KLHL8: variants seen among roughly 807,000 people sequenced by gnomAD.
The protein encoded by KLHL8 is kelch-like protein 8.
Under a neutral mutation model 63.5 loss-of-function variants are expected in KLHL8, and 38 were observed. The observed-to-expected ratio is 0.60, with a 90% CI of 0.46 to 0.78. The LOEUF (loss-of-function observed/expected upper bound fraction) is 0.78. Ranked by LOEUF, KLHL8 falls within the 30% of genes least tolerant of loss-of-function variation. The probability of loss-of-function intolerance (pLI) is 0.00; values close to 1 mark genes in which losing one functional copy is unlikely to be tolerated. For synonymous variants in KLHL8, 224 were observed against 254.3 expected, an observed-to-expected ratio of 0.88 and a Z score of 1.13; for missense variants, 566 against 752.4, an observed-to-expected ratio of 0.75 and a Z score of 2.90.
In KLHL8 at chr4:87,211,861, A is replaced by G. The variant is rs953504615; in HGVS notation, c.-152+8557T>C. 5.9e-5 allele frequency among the ~76,000 whole-genome samples: 9 copies of G among 152,326 alleles called. No individual in the cohort carries two copies. The East Asian group carries it at 1.5e-3, about 26-fold the overall frequency. ...TCACTGGTGCTGAAGTCAAAGTCAT[A>G]GTTAAACTTAAGTGTGAATTAGATG... On this transcript the variant is annotated intron_variant, in intron 1 of 9. Coordinates refer to ENST00000273963, the MANE Select transcript of KLHL8 (RefSeq NM_020803.5).
intron 1 of KLHL8, among the ~76,000 whole-genome samples, chr4:87,231,233 G>A (rs935821402): frequency 3.3e-5 from 5 of 152,162 alleles, no homozygotes; most frequent in African/African-American, 1.2e-4. Context: ...ACCCTCCGCG[G>A]AATCTGTGTG....
At chr4:87,177,536 A>C (rs1439896421) in intron 5 of KLHL8, among the ~76,000 whole-genome samples, 1 of 131,136 alleles carries the variant, frequency 7.6e-6, no homozygotes, top group African/African-American at 2.7e-5. Context: ...ACAAACAAAA[A>C]CTATATATAT....
intron 1 of KLHL8, among the ~76,000 whole-genome samples, chr4:87,229,668 T>C (rs1216135803): frequency 2.0e-5 from 3 of 151,848 alleles, no homozygotes; most frequent in South Asian, 2.1e-4. Context: ...CTAACCTCAA[T>C]TGATCCACCT....
At chr4:87,236,162 C>T (rs1465599943) in intron 1 of KLHL8, among the ~76,000 whole-genome samples, 1 of 151,776 alleles carries the variant, frequency 6.6e-6, no homozygotes, top group African/African-American at 2.4e-5. Context: ...CTTAAAATAT[C>T]TGCCTTATAC....
At chr4:87,226,947 T>TAA (rs1560723936) in intron 1 of KLHL8, among the ~76,000 whole-genome samples, 2 of 34,958 alleles carry the variant, frequency 5.7e-5, no homozygotes, top group Non-Finnish European at 1.1e-4. Flanking sequence ...ATAATATATA[T>TAA]TATATATAAG....
intron 1 of KLHL8, chr4:87,207,914 C>T (rs989503050): frequency 2.3e-6 from 3 of 1,328,334 alleles, no homozygotes; most frequent in Non-Finnish European, 2.1e-6. Context: ...CTGGGCTACA[C>T]TGAGCACCAG....
chr4:87,219,991 C>T (rs752003531), intron 1 of KLHL8: 12 of 152,392 alleles, frequency 7.9e-5, no homozygotes, highest in Non-Finnish European at 1.6e-4. Context: ...CGAACCCGCG[C>T]CAGCCGCACC....
At chr4:87,237,243 G>A (rs1465326239) in intron 1 of KLHL8, among the ~76,000 whole-genome samples, 2 of 151,978 alleles carry the variant, frequency 1.3e-5, no homozygotes, top group Non-Finnish European at 2.9e-5. Flanking sequence ...AATAAAACAC[G>A]GAAAGAAGAA....
In KLHL8 at chr4:87,165,006, G is replaced by A. The variant is rs956609758; in HGVS notation, c.1538-927C>T. 1.1e-4 allele frequency among the ~76,000 whole-genome samples: 16 copies of A among 152,008 alleles called. No individual in the cohort carries two copies. In the South Asian group the frequency reaches 1.2e-3, roughly 12 times the overall value. On this transcript the variant is annotated intron_variant, in intron 8 of 9. Transcript: ENST00000273963. Reference sequence around the variant, plus strand: ...TACTAAAAATACAAAAAAATTAGCTGGGCATGGTGGCGGGCGCCTGTAGTC... The same window carrying A: ...TACTAAAAATACAAAAAAATTAGCTAGGCATGGTGGCGGGCGCCTGTAGTC...
At chr4:87,207,377 C>A in intron 1 of KLHL8, 1 of 667,146 alleles carries the variant, frequency 1.5e-6, no homozygotes, top group South Asian at 1.5e-5. Context: ...GTTGTGGAGT[C>A]CACTGGTGTT....
chr4:87,168,819 T>C (rs1730522235), intron 8 of KLHL8, among the ~76,000 whole-genome samples: 2 of 150,248 alleles, frequency 1.3e-5, no homozygotes, highest in Non-Finnish European at 1.5e-5. Context: ...CACACACATA[T>C]ATATATATCC....
At chr4:87,185,919 A>C in intron 2 of KLHL8, 120 bp from the exon 3 acceptor site, 1 of 803,014 alleles carries the variant, frequency 1.2e-6, no homozygotes, top group Non-Finnish European at 1.9e-6. Context: ...TCTTTTTATA[A>C]GGCGATCCTT....
intron 1 of KLHL8, among the ~76,000 whole-genome samples, chr4:87,201,989 T>C (rs1731936633): frequency 6.6e-6 from 1 of 151,804 alleles, no homozygotes; most frequent in Non-Finnish European, 1.5e-5. Flanking sequence ...GTGCCTGTAG[T>C]CCCAGCTACT....
chr4:87,216,066 T>G (rs967630327), intron 1 of KLHL8, among the ~76,000 whole-genome samples: 1 of 152,230 alleles, frequency 6.6e-6, no homozygotes. Flanking sequence ...AAATTATCTT[T>G]TGGCATTTTA....
intron 1 of KLHL8, chr4:87,207,548 A>G (rs1349847197): frequency 3.7e-6 from 4 of 1,085,246 alleles, no homozygotes; most frequent in Non-Finnish European, 5.6e-6. Context: ...TGCACCACCA[A>G]CTGCTTAGCG....
intron 1 of KLHL8, among the ~76,000 whole-genome samples, chr4:87,197,003 C>G (rs995837231): frequency 3.3e-5 from 5 of 152,224 alleles, no homozygotes; most frequent in Non-Finnish European, 4.4e-5. Flanking sequence ...AATATTCTAA[C>G]CAGAACTTTA....
At chr4:87,164,255 G>A (rs576407621) in intron 8 of KLHL8, among the ~76,000 whole-genome samples, 176 bp from the exon 9 acceptor site, 2 of 152,056 alleles carry the variant, frequency 1.3e-5, no homozygotes, top group South Asian at 4.2e-4. Context: ...ACTACCATTA[G>A]ATGTTGTCTA....
At chr4:87,231,386 G>A (rs1328357501) in intron 1 of KLHL8, among the ~76,000 whole-genome samples, 1 of 152,076 alleles carries the variant, frequency 6.6e-6, no homozygotes, top group Admixed American at 6.6e-5. Flanking sequence ...GTTTGCTTCT[G>A]GGGTAACCCA....
At chr4:87,208,175 C>G (rs930032212) in intron 1 of KLHL8, 4 of 356,986 alleles carry the variant, frequency 1.1e-5, no homozygotes, top group South Asian at 8.9e-5. Flanking sequence ...ACACTCAGTC[C>G]CCCACTACAC....
Sources: gnomAD v4.1 joint callset for allele counts (sites outside exome capture counted in the v4.1 genomes callset) on GRCh38, gnomAD v4.1.1 for gene constraint, MANE v1.5 for transcripts, NCBI Gene and HGNC (gene_info 2026-07-23, HGNC 2026-07-21) for gene names.